Variants in FHOD3 observed in about 807,000 individuals in gnomAD.
FHOD3 encodes FH1/FH2 domain-containing protein 3.
In FHOD3, 90 loss-of-function variants were observed where a neutral mutation model predicts 173.0. The observed-to-expected ratio is 0.52, with a 90% CI of 0.44 to 0.62. The LOEUF (loss-of-function observed/expected upper bound fraction) is 0.62. Ranked by LOEUF, FHOD3 falls within the 20% of genes least tolerant of loss-of-function variation. The pLI is 0.00. For synonymous variants in FHOD3, 828 were observed against 823.0 expected (o/e 1.01, Z -0.10); for missense variants, 1,945 against 2,034.7 (o/e 0.96, Z 0.85).
At chr18:36,776,155 C>T (rs954793841) in intron 28 of FHOD3, among the ~76,000 whole-genome samples, 5 of 151,924 alleles carry the variant, frequency 3.3e-5, no homozygotes, top group African/African-American at 1.2e-4. Context: ...GTTTGCTGGC[C>T]CCCTTGTTTT....
intron 5 of FHOD3, among the ~76,000 whole-genome samples, chr18:36,566,507 C>T (rs2058269800): frequency 6.6e-6 from 1 of 152,112 alleles, no homozygotes; most frequent in Non-Finnish European, 1.5e-5. Context: ...AGCTGAAGGG[C>T]CAGAGGGTTG....
intron 18 of FHOD3, among the ~76,000 whole-genome samples, chr18:36,717,391 A>T (rs2040516968): frequency 6.6e-6 from 1 of 152,148 alleles, no homozygotes; most frequent in Non-Finnish European, 1.5e-5. Context: ...TTTGAGCTGC[A>T]CTAGTGCAGA....
At chr18:36,466,446 G>T (rs1443980475) in intron 3 of FHOD3, among the ~76,000 whole-genome samples, 1 of 152,148 alleles carries the variant, frequency 6.6e-6, no homozygotes, top group African/African-American at 2.4e-5. Flanking sequence ...AAAGGCAGGG[G>T]TATATTTTAG....
chr18:36,649,242 C>T (rs2035889912), intron 10 of FHOD3, 74 bp from the exon 11 acceptor site: 16 of 987,634 alleles, frequency 1.6e-5, no homozygotes, highest in African/African-American at 4.9e-5. Flanking sequence ...CTTCATCTTC[C>T]TGTTTGTCTG....
At chr18:36,709,503 C>A in intron 18 of FHOD3, 112 bp downstream of exon 18, 1 of 1,180,726 alleles carries the variant, frequency 8.5e-7, no homozygotes, top group Non-Finnish European at 1.2e-6. Context: ...CTGGGTCAAC[C>A]CACTCATGTG....
chr18:36,414,876 G>A (rs2049549485), intron 3 of FHOD3, among the ~76,000 whole-genome samples: 1 of 152,164 alleles, frequency 6.6e-6, no homozygotes. Flanking sequence ...GCAGCAGGAG[G>A]GGCTCCTGCA....
At chr18:36,431,092 G>T (rs2050524038) in intron 3 of FHOD3, among the ~76,000 whole-genome samples, 1 of 152,148 alleles carries the variant, frequency 6.6e-6, no homozygotes, top group African/African-American at 2.4e-5. Context: ...CAACTAAAAA[G>T]GCTAAACGTA....
At chr18:36,708,983 A>G in intron 17 of FHOD3, 112 bp from the exon 18 acceptor site, 1 of 1,323,466 alleles carries the variant, frequency 7.6e-7, no homozygotes, top group Non-Finnish European at 1.0e-6. Flanking sequence ...CTTGGGGGCC[A>G]TCTTTGGACA....
At chr18:36,662,155 C>T (rs7232475) in intron 14 of FHOD3, among the ~76,000 whole-genome samples, 5,467 of 152,260 alleles carry the variant, frequency 0.036, 327 homozygotes, top group African/African-American at 0.12. Flanking sequence ...TGGGAAAGGC[C>T]GGGCCCATCC....
chr18:36,451,471 G>A (rs1398956), intron 3 of FHOD3, among the ~76,000 whole-genome samples: 5,269 of 152,240 alleles, frequency 0.035, 383 homozygotes, highest in East Asian at 0.25. Flanking sequence ...CTCTCTATCC[G>A]TGTCTATTGG....
At chr18:36,447,454 T>C (rs979875172) in intron 3 of FHOD3, among the ~76,000 whole-genome samples, 1 of 151,866 alleles carries the variant, frequency 6.6e-6, no homozygotes, top group Middle Eastern at 3.4e-3. Context: ...GCCTAATTGG[T>C]TGGGTTTTGT....
chr18:36,380,573 T>TTTCCTTTCCTTTCCTTTCC lies in FHOD3; in HGVS notation c.337+7831_337+7832insCCTTTCCTTTCCTTTCCTT, dbSNP rs1568196202. ...TTTTGTTTTCTTTTCTTTTCTTTTC[T>TTTCCTTTCCTTTCCTTTCC]TTTCTTTTCCTTTCCTTTCCTTTCC... is the stretch of plus-strand genomic sequence containing the variant. On this transcript the variant is annotated intron_variant, in intron 3 of 28. Coordinates refer to ENST00000590592, the MANE Select transcript of FHOD3 (RefSeq NM_001281740.3). Among the ~76,000 whole-genome samples, 140 of 79,930 alleles carry TTTCCTTTCCTTTCCTTTCC rather than the reference T, an allele frequency of 1.8e-3. 1 individual carries two copies. The highest frequency in any genetic ancestry group is 7.2e-3 in the African/African-American group (133 of 18,422). 52.4% of individuals were successfully genotyped at this position (79,930 alleles called of 152,430 possible).
At chr18:36,431,469 G>C (rs370660791) in intron 3 of FHOD3, among the ~76,000 whole-genome samples, 2 of 152,234 alleles carry the variant, frequency 1.3e-5, no homozygotes, top group African/African-American at 4.8e-5. Context: ...GAAGGAGCAG[G>C]CCTATTCTAG....
At chr18:36,441,527 C>A (rs1219634012) in intron 3 of FHOD3, among the ~76,000 whole-genome samples, 8 of 152,174 alleles carry the variant, frequency 5.3e-5, no homozygotes, top group Non-Finnish European at 1.2e-4. Context: ...AGGAGGCCTG[C>A]TGCAGACTGC....
intron 3 of FHOD3, among the ~76,000 whole-genome samples, chr18:36,419,867 G>A (rs1479863759): frequency 6.6e-6 from 1 of 152,194 alleles, no homozygotes; most frequent in East Asian, 1.9e-4. Flanking sequence ...CTTGAGTCAG[G>A]GAGCTAGCCT....
intron 1 of FHOD3, among the ~76,000 whole-genome samples, chr18:36,306,284 C>A (rs1022659827): frequency 9.2e-5 from 14 of 152,172 alleles, no homozygotes; most frequent in African/African-American, 3.4e-4. Flanking sequence ...TGAGGTGCCT[C>A]ACTCCCACAG....
At chr18:36,446,593 G>T (rs1343854655) in intron 3 of FHOD3, among the ~76,000 whole-genome samples, 2 of 152,162 alleles carry the variant, frequency 1.3e-5, no homozygotes, top group African/African-American at 4.8e-5. Context: ...TAAGTAGAGA[G>T]AATTGCGGGA....
intron 5 of FHOD3, among the ~76,000 whole-genome samples, chr18:36,524,864 C>G (rs536783579): frequency 8.5e-5 from 13 of 152,282 alleles, no homozygotes; most frequent in African/African-American, 2.6e-4. Context: ...AGTGCTACCT[C>G]ATTGCTTTAT....
chr18:36,555,803 C>T (rs1246264085), intron 5 of FHOD3, among the ~76,000 whole-genome samples: 1 of 152,160 alleles, frequency 6.6e-6, no homozygotes, highest in Non-Finnish European at 1.5e-5. Context: ...TTCTTCATCT[C>T]TGGCAATATT....
Sources: allele counts gnomAD v4.1 joint callset (sites outside exome capture counted in the v4.1 genomes callset), GRCh38; gene constraint gnomAD v4.1.1; transcripts MANE v1.5; gene names NCBI Gene and HGNC (gene_info 2026-07-23, HGNC 2026-07-21).